Variants in RANBP2 observed in about 807,000 individuals in gnomAD.
The protein encoded by RANBP2 is E3 SUMO-protein ligase RanBP2.
A neutral mutation model predicts 303.6 loss-of-function variants in RANBP2; 57 were observed. The observed-to-expected ratio is 0.19, with a 90% CI of 0.15 to 0.23. The LOEUF (loss-of-function observed/expected upper bound fraction) is 0.23. Among genes scored for constraint, RANBP2 ranks in the 10% least tolerant of loss-of-function variants. The pLI is 1.00. For synonymous variants in RANBP2, 1,167 were observed against 1,301.5 expected, an observed-to-expected ratio of 0.90 and a Z score of 2.23; for missense variants, 3,138 against 3,780.8, an observed-to-expected ratio of 0.83 and a Z score of 4.46.
the RANBP2 span, among the ~76,000 whole-genome samples, chr2:109,580,100 G>A: frequency 8.6e-5 from 13 of 151,874 alleles, no homozygotes; most frequent in Admixed American, 2.6e-4. Context: ...CAGCCTGGGC[G>A]ACAAGAGTGA....
At chr2:108,724,229 C>G (rs1293045165) in intron 1 of RANBP2, among the ~76,000 whole-genome samples, 1 of 152,130 alleles carries the variant, frequency 6.6e-6, no homozygotes, top group African/African-American at 2.4e-5. Flanking sequence ...GTGGCATGGT[C>G]TCAGCTCACT....
the RANBP2 span, among the ~76,000 whole-genome samples, chr2:109,302,393 T>C: frequency 3.5e-3 from 526 of 152,324 alleles, 5 homozygotes; most frequent in Middle Eastern, 0.014. Context: ...ATGCTGACCA[T>C]ACCCAAACAC....
the RANBP2 span, among the ~76,000 whole-genome samples, chr2:109,074,000 C>G: frequency 9.3e-5 from 14 of 150,576 alleles, 1 homozygote; most frequent in South Asian, 4.2e-4. Flanking sequence ...AAACAAAACC[C>G]AACAATAAAA....
Position 108,763,651 on chromosome 2 carries a change from A to G in RANBP2, c.3112A>G (p.Lys1038Glu). Residue 1038 changes from lysine (K) to glutamate (E), a missense_variant, in exon 20 of 29, where the codon AAA becomes GAA. Physicochemically the swap from Lys to Glu is moderately conservative, Grantham distance 56. Transcript: ENST00000283195. ...TCCTTTTAAATTTAACTCAAATTTCAAATCAAATGATGGTGACTTCACGTT... is the reference window on the plus strand; with the variant it reads ...TCCTTTTAAATTTAACTCAAATTTCGAATCAAATGATGGTGACTTCACGTT... ...PTPFKFNSNF[K>E]SNDGDFTFSS... 1 of 1,614,190 alleles carries G rather than the reference A, an allele frequency of 6.2e-7. No individual in the cohort carries two copies. The highest frequency in any genetic ancestry group is 2.2e-5 in the East Asian group (1 of 44,892).
the RANBP2 span, among the ~76,000 whole-genome samples, chr2:109,699,874 C>T: frequency 6.6e-5 from 10 of 152,268 alleles, no homozygotes; most frequent in East Asian, 1.7e-3. Context: ...GCCCAGACTT[C>T]GCCTCCAGGA....
chr2:109,207,605 T>A, the RANBP2 span, among the ~76,000 whole-genome samples: 1 of 152,314 alleles, frequency 6.6e-6, no homozygotes, highest in Non-Finnish European at 1.5e-5. Context: ...AAAATAAAGA[T>A]GCAATGGAGC....
chr2:109,034,771 T>G, the RANBP2 span, among the ~76,000 whole-genome samples: 1 of 152,178 alleles, frequency 6.6e-6, no homozygotes, highest in Non-Finnish European at 1.5e-5. Context: ...AGAGAAGGCC[T>G]CCTCAAAAAC....
At chr2:108,788,719 CAAA>C, downstream of RANBP2, 17 of 1,288,440 alleles carry the variant, frequency 1.3e-5, no homozygotes, top group South Asian at 2.7e-4. Context: ...GACTCCGTCT[CAAA>C]GAAAAAAAAA....
chr2:108,975,817 C>T, the RANBP2 span, among the ~76,000 whole-genome samples: 17 of 152,084 alleles, frequency 1.1e-4, no homozygotes, highest in Admixed American at 4.6e-4. Flanking sequence ...CACTCCTGAA[C>T]GAGCTCGAGA....
At chr2:108,754,800 T>C in intron 15 of RANBP2, 105 bp from the exon 16 acceptor site, 1 of 1,573,832 alleles carries the variant, frequency 6.4e-7, no homozygotes, top group Non-Finnish European at 8.7e-7. Context: ...AAAGTGCCTA[T>C]TAAAGTGGCA....
chr2:109,224,124 G>T, the RANBP2 span, among the ~76,000 whole-genome samples: 7 of 152,286 alleles, frequency 4.6e-5, no homozygotes, highest in African/African-American at 1.7e-4. Flanking sequence ...AGAAACTGAG[G>T]CCTGGTCTCC....
At chr2:109,743,568 T>C in the RANBP2 span, among the ~76,000 whole-genome samples, 3 of 143,412 alleles carry the variant, frequency 2.1e-5, 1 homozygote, top group African/African-American at 7.9e-5. Flanking sequence ...TGCAAAGATA[T>C]ATCTGATAAA....
the RANBP2 span, among the ~76,000 whole-genome samples, chr2:109,393,951 G>A: frequency 5.9e-5 from 9 of 151,880 alleles, no homozygotes; most frequent in African/African-American, 1.7e-4. Context: ...TGGCGCTGTC[G>A]TGGACCCAGC....
At chr2:109,469,151 G>A in the RANBP2 span, among the ~76,000 whole-genome samples, 4 of 152,142 alleles carry the variant, frequency 2.6e-5, no homozygotes, top group Non-Finnish European at 5.9e-5. Flanking sequence ...CCAAGAATGC[G>A]GGCCCCCTGC....
chr2:108,989,719 G>A, the RANBP2 span, among the ~76,000 whole-genome samples: 1 of 151,772 alleles, frequency 6.6e-6, no homozygotes, highest in African/African-American at 2.4e-5. Flanking sequence ...CACACCCCCC[G>A]TATAACTAGG....
At chr2:109,411,973 G>T in the RANBP2 span, among the ~76,000 whole-genome samples, 78 of 152,308 alleles carry the variant, frequency 5.1e-4, 1 homozygote, top group African/African-American at 1.9e-3. Flanking sequence ...CCTGTGTCAG[G>T]GTGGCCAAGG....
the RANBP2 span, chr2:109,665,501 C>T: frequency 1.3e-5 from 2 of 152,090 alleles, no homozygotes; most frequent in Admixed American, 1.3e-4. Context: ...GCCATGACGC[C>T]CAGCTAATTT....
At chr2:109,325,489 T>G in the RANBP2 span, among the ~76,000 whole-genome samples, 1 of 152,044 alleles carries the variant, frequency 6.6e-6, no homozygotes, top group East Asian at 1.9e-4. Context: ...TACAGGCATG[T>G]GCCACCATGT....
At chr2:109,150,108 C>T in the RANBP2 span, among the ~76,000 whole-genome samples, 6 of 152,204 alleles carry the variant, frequency 3.9e-5, no homozygotes, top group African/African-American at 1.4e-4. Context: ...CTGATCTAAA[C>T]TGCAGAAGGC....
Sources: allele counts gnomAD v4.1 joint callset (sites outside exome capture counted in the v4.1 genomes callset), GRCh38; gene constraint gnomAD v4.1.1; transcripts MANE v1.5; gene names NCBI Gene and HGNC (gene_info 2026-07-23, HGNC 2026-07-21).